Variants in PPM1H observed in about 807,000 individuals in gnomAD.
PPM1H encodes protein phosphatase, Mg2+/Mn2+ dependent 1H, also known as protein phosphatase 1H.
A neutral mutation model predicts 54.9 loss-of-function variants in PPM1H; 27 were observed. That is an observed-to-expected ratio of 0.49 (90% CI 0.36 to 0.68). PPM1H has a LOEUF of 0.68. Ranked by LOEUF, PPM1H falls within the 30% of genes least tolerant of loss-of-function variation. The pLI is 0.00. For missense variants in PPM1H, 596 were observed against 667.8 expected (o/e 0.89, Z 1.19); for synonymous variants, 305 against 270.8 (o/e 1.13, Z -1.24).
At chr12:62,869,170 G>A (rs931565132) in intron 1 of PPM1H, among the ~76,000 whole-genome samples, 1 of 152,166 alleles carries the variant, frequency 6.6e-6, no homozygotes, top group African/African-American at 2.4e-5. Flanking sequence ...ACATTGCAAT[G>A]AAAACAACCA....
chr12:62,715,785 C>T (rs983741712), intron 6 of PPM1H, among the ~76,000 whole-genome samples: 32 of 152,260 alleles, frequency 2.1e-4, no homozygotes, highest in African/African-American at 7.2e-4. Context: ...CCCCAAATGA[C>T]ACAAGCTCTT....
intron 1 of PPM1H, among the ~76,000 whole-genome samples, chr12:62,846,308 A>C (rs1868964652): frequency 6.6e-6 from 1 of 152,036 alleles, no homozygotes; most frequent in Admixed American, 6.6e-5. Flanking sequence ...AGACCAGCCT[A>C]GCCAACATGG....
At chr12:62,852,330 C>A (rs1356645576) in intron 1 of PPM1H, among the ~76,000 whole-genome samples, 1 of 150,792 alleles carries the variant, frequency 6.6e-6, no homozygotes, top group Non-Finnish European at 1.5e-5. Flanking sequence ...ATAAGAGAAA[C>A]CCCTGGGAGC....
chr12:62,884,962 T>A (rs527500982), intron 1 of PPM1H, among the ~76,000 whole-genome samples: 2 of 151,934 alleles, frequency 1.3e-5, no homozygotes, highest in Non-Finnish European at 2.9e-5. Context: ...CACACCCGAG[T>A]CTGGGAAGAA....
At chr12:62,863,929 C>G (rs930278158) in intron 1 of PPM1H, among the ~76,000 whole-genome samples, 2 of 152,222 alleles carry the variant, frequency 1.3e-5, no homozygotes, top group African/African-American at 4.8e-5. Flanking sequence ...ATAAATCTAA[C>G]CATGAGACAT....
At chr12:62,755,951 G>A in intron 4 of PPM1H, 3 of 902,908 alleles carry the variant, frequency 3.3e-6, no homozygotes, top group Non-Finnish European at 5.5e-6. Context: ...CAATGTGTCA[G>A]TTGTGGGCCT....
chr12:62,737,354 T>A (rs2076356320), intron 5 of PPM1H, 148 bp downstream of exon 5: 2 of 459,514 alleles, frequency 4.4e-6, no homozygotes, highest in African/African-American at 4.0e-5. Flanking sequence ...GGATGTGTGA[T>A]CCAGAAGGTG....
At chr12:62,917,773 T>C (rs56125081) in intron 1 of PPM1H, among the ~76,000 whole-genome samples, 2,162 of 152,260 alleles carry the variant, frequency 0.014, 48 homozygotes, top group African/African-American at 0.049. Flanking sequence ...AACCTGTGCT[T>C]GGTGCTCATT....
intron 1 of PPM1H, among the ~76,000 whole-genome samples, chr12:62,887,465 TA>T (rs1870632223): frequency 6.6e-6 from 1 of 152,224 alleles, no homozygotes; most frequent in South Asian, 2.1e-4. Context: ...ATTGAGCAGT[TA>T]TTAATGTACC....
intron 6 of PPM1H, among the ~76,000 whole-genome samples, chr12:62,700,360 G>T (rs79730602): frequency 0.071 from 10,847 of 152,116 alleles, 452 homozygotes; most frequent in Non-Finnish European, 0.094. Flanking sequence ...TCTCAGGCCA[G>T]TTTCTCTCCT....
In PPM1H at chr12:62,737,565, T is replaced by C. The variant is rs1337445572; in HGVS notation, c.891A>G (p.Gly297=). 1 of 1,581,936 alleles carries C rather than the reference T, an allele frequency of 6.3e-7. No individual in the cohort carries two copies. Among genetic ancestry groups the C allele is most frequent in the Admixed American group, 1.8e-5 (1 of 55,864 alleles). Residue 297 remains glycine, a synonymous_variant, in exon 5 of 10, where the codon GGA becomes GGG. Transcript: ENST00000228705. ...GDSRAIIIRN[G]EIIPMSSEFT... ...ATTCTGAAGACATGGGGATAATTTCTCCATTTCTGATGATTATGGCCCTGA... is the reference window on the plus strand; with the variant it reads ...ATTCTGAAGACATGGGGATAATTTCCCCATTTCTGATGATTATGGCCCTGA...
chr12:62,838,972 G>C (rs558874778), intron 1 of PPM1H, among the ~76,000 whole-genome samples: 1 of 150,892 alleles, frequency 6.6e-6, no homozygotes, highest in South Asian at 2.1e-4. Flanking sequence ...TTCTCCCAGA[G>C]GGTTTCACCT....
In PPM1H at chr12:62,647,736, C is replaced by A; in HGVS notation, c.*753G>T. On this transcript the variant is annotated 3_prime_UTR_variant, in exon 10 of 10. Coordinates refer to ENST00000228705, the MANE Select transcript of PPM1H (RefSeq NM_020700.2). Reference sequence around the variant, plus strand: ...ACATTACACAACAAAGACCCTCTGTCATGCAGGGCACTGGCCCGGATGCTG... The same window carrying A: ...ACATTACACAACAAAGACCCTCTGTAATGCAGGGCACTGGCCCGGATGCTG... 6.6e-6 allele frequency: 1 copy of A among 152,464 alleles called. No individual in the cohort carries two copies. The allele number at this position is 152,464 out of a possible 1,614,324, so 9.4% of individuals were successfully genotyped here. A position where few individuals can be genotyped will look rare whatever the true frequency, so the allele number is the denominator to read the frequency against.
rs1036461688 is a variant in PPM1H, at chr12:62,647,435, A to G, written c.*1054T>C. The G allele has an allele frequency of 6.6e-6, 1 of 152,298 alleles. No homozygotes were observed. The highest frequency in any genetic ancestry group is 2.4e-5 in the African/African-American group (1 of 41,466). 9.4% of individuals were successfully genotyped at this position (152,298 alleles called of 1,614,324 possible). ...TGGGGACAGTCACAAGCCATGAAAC[A>G]TGAATCCAAAATGGTCCCCAGATGA... On this transcript the variant is annotated 3_prime_UTR_variant, in exon 10 of 10. Coordinates refer to ENST00000228705, the MANE Select transcript of PPM1H (RefSeq NM_020700.2).
chr12:62,675,096 A>G (rs1240749891), intron 8 of PPM1H, among the ~76,000 whole-genome samples: 1 of 152,230 alleles, frequency 6.6e-6, no homozygotes, highest in Admixed American at 6.5e-5. Flanking sequence ...ATACTATTGC[A>G]AAAGGAGCTG....
In PPM1H at chr12:62,844,724, G is replaced by A. The variant is rs1210840463; in HGVS notation, c.246-12445C>T. On this transcript the variant is annotated intron_variant, in intron 1 of 9. Transcript: ENST00000228705. The surrounding 1 kb of genome is among the most constrained non-coding windows in gnomAD (Gnocchi z 5.2). ...CCTATCTCAAATCACATAGCACGGA[G>A]TAGGTACTCGATAAATGTTAATTGA... Among the ~76,000 whole-genome samples, 2 of 152,194 alleles carry A rather than the reference G, an allele frequency of 1.3e-5. No homozygotes were observed. The highest frequency in any genetic ancestry group is 4.8e-5 in the African/African-American group (2 of 41,446).
At chr12:62,689,676 T>C (rs778529968) in intron 8 of PPM1H, 23 bp downstream of exon 8, 43 of 1,584,870 alleles carry the variant, frequency 2.7e-5, no homozygotes, top group Admixed American at 3.4e-5. Flanking sequence ...GCACAAAATA[T>C]AAACAAAAAC....
At chr12:62,869,771 C>T (rs1869915083) in intron 1 of PPM1H, among the ~76,000 whole-genome samples, 1 of 152,170 alleles carries the variant, frequency 6.6e-6, no homozygotes, top group African/African-American at 2.4e-5. Context: ...CTCAAGAATG[C>T]TTCCTCTGAG....
At chr12:62,777,039 T>G (rs1198758626) in intron 4 of PPM1H, among the ~76,000 whole-genome samples, 1 of 152,144 alleles carries the variant, frequency 6.6e-6, no homozygotes, top group African/African-American at 2.4e-5. Flanking sequence ...CATCCAACAT[T>G]TATATCACAA....
Sources: gnomAD v4.1 joint callset for allele counts (sites outside exome capture counted in the v4.1 genomes callset) on GRCh38, gnomAD v4.1.1 for gene constraint, Gnocchi (gnomAD v3.1) non-coding constraint, MANE v1.5 for transcripts, NCBI Gene and HGNC (gene_info 2026-07-23, HGNC 2026-07-21) for gene names.